Variants in MYH14 observed in about 807,000 individuals in gnomAD.
MYH14 encodes the protein myosin heavy chain 14.
In MYH14, 123 loss-of-function variants were observed where a neutral mutation model predicts 255.5. The observed-to-expected ratio is 0.48, with a 90% CI of 0.42 to 0.56. MYH14 has a LOEUF of 0.56. MYH14 is among the 20% of genes least tolerant of loss of function. The pLI, the probability that MYH14 is intolerant of heterozygous loss-of-function variation, is 0.00. For synonymous variants in MYH14, 1,095 were observed against 1,161.2 expected, an observed-to-expected ratio of 0.94 and a Z score of 1.16; for missense variants, 2,423 against 2,802.3, an observed-to-expected ratio of 0.86 and a Z score of 3.06.
At chr19:50,208,676 G>A (rs555432162) in intron 1 of MYH14, among the ~76,000 whole-genome samples, 1 of 152,178 alleles carries the variant, frequency 6.6e-6, no homozygotes, top group East Asian at 1.9e-4. Flanking sequence ...AATGATAAAA[G>A]TAAAAAAGGA....
intron 3 of MYH14, among the ~76,000 whole-genome samples, chr19:50,222,154 C>T (rs1366032432): frequency 6.6e-5 from 10 of 152,084 alleles, no homozygotes; most frequent in African/African-American, 1.7e-4. Context: ...TGTCTCCTGG[C>T]GGGAATGGAG....
chr19:50,303,393 A>G (rs1293607081), intron 40 of MYH14, among the ~76,000 whole-genome samples: 1 of 152,184 alleles, frequency 6.6e-6, no homozygotes, highest in Admixed American at 6.5e-5. Flanking sequence ...GATTGTTCAT[A>G]TGACAGAGTC....
chr19:50,289,530 C>T lies in MYH14; in HGVS notation c.4847C>T (p.Ala1616Val). The T allele has an allele frequency of 6.2e-7, 1 of 1,613,114 alleles. No individual in the cohort carries two copies. The highest frequency in any genetic ancestry group is 8.5e-7 in the Non-Finnish European group (1 of 1,179,628). Residue 1616 changes from alanine to valine, a missense_variant, in exon 35 of 43, where the codon GCC becomes GTC. Ala to Val is a moderately conservative substitution (Grantham distance 64, BLOSUM62 0). Around this residue, in one of 3 missense-constraint regions of MYH14, gnomAD observed 1,513 missense variants for 1,674.8 expected, o/e 0.90. Transcript: ENST00000642316. ...VTELEDELTA[A>V]EDAKLRLEVT... is the part of the protein sequence containing the mutation. ...GAACTGGAGGATGAGCTGACAGCGG[C>T]CGAGGATGCCAAGCTGCGTCTGGAG... is the stretch of plus-strand genomic sequence containing the variant.
intron 11 of MYH14, among the ~76,000 whole-genome samples, chr19:50,246,401 G>A (rs751615529): frequency 6.6e-6 from 1 of 151,926 alleles, no homozygotes; most frequent in East Asian, 1.9e-4. Context: ...TTGGCCTCCC[G>A]AAGGGCCTCC....
intron 2 of MYH14, among the ~76,000 whole-genome samples, chr19:50,216,357 C>T (rs1034718014): frequency 1.3e-5 from 2 of 152,024 alleles, no homozygotes; most frequent in Non-Finnish European, 2.9e-5. Context: ...AATCCCGGCA[C>T]TTTGGGAGGC....
chr19:50,265,163 T>C (rs1263139022), intron 22 of MYH14, among the ~76,000 whole-genome samples: 1 of 152,140 alleles, frequency 6.6e-6, no homozygotes, highest in Non-Finnish European at 1.5e-5. Flanking sequence ...AAAAGCCCTT[T>C]CGTTAGCATG....
chr19:50,293,562 A>G lies in MYH14; in HGVS notation c.5346-2A>G. 6.2e-7 allele frequency: 1 copy of G among 1,612,658 alleles called. No homozygotes were observed. The highest frequency in any genetic ancestry group is 1.1e-5 in the South Asian group (1 of 90,942). On this transcript the variant is annotated splice_acceptor_variant, in intron 38 of 42. Coordinates refer to ENST00000642316, the MANE Select transcript of MYH14 (RefSeq NM_001145809.2). LOFTEE classifies it high-confidence loss of function. The surrounding 1 kb of genome is among the most constrained non-coding windows in gnomAD (Gnocchi z 4.1). The stretch of plus-strand genomic sequence containing the variant: ...CATCCCCACGCCTTCCTGTCTCCCT[A>G]GGGCAGCCATTCTGGAGGAGAAGCG...
intron 14 of MYH14, 38 bp downstream of exon 14, chr19:50,249,861 C>T (rs1568498160): frequency 6.2e-7 from 1 of 1,610,584 alleles, no homozygotes; most frequent in South Asian, 1.1e-5. Context: ...ACTCACGGTT[C>T]AGATCCGTCT....
At chr19:50,306,497 C>T (rs2036658500) in intron 40 of MYH14, among the ~76,000 whole-genome samples, 1 of 152,012 alleles carries the variant, frequency 6.6e-6, no homozygotes, top group South Asian at 2.1e-4. Flanking sequence ...AAGAGTGTTC[C>T]CTCCCGCTCT....
intron 19 of MYH14, 123 bp downstream of exon 19, chr19:50,259,388 C>A: frequency 1.5e-6 from 2 of 1,291,128 alleles, no homozygotes; most frequent in Non-Finnish European, 2.1e-6. Flanking sequence ...GAAGTTGAGG[C>A]AGATTACTCA....
At chr19:50,279,506 G>A (rs879787768) in intron 30 of MYH14, among the ~76,000 whole-genome samples, 2 of 152,152 alleles carry the variant, frequency 1.3e-5, no homozygotes, top group Non-Finnish European at 2.9e-5. Flanking sequence ...GGTGGCGCAT[G>A]CCTGTAATCC....
rs546508406 is a variant in MYH14 at position 50,230,992 on chromosome 19, C to T, written c.973+369C>T. ...TGCTGAGGCTCCTCCTGGTTCCTGA[C>T]GACGCTGGTTTGTGTTGCTTCTCGG... On this transcript the variant is annotated intron_variant, in intron 9 of 42. Transcript: ENST00000642316. The surrounding 1 kb of genome is among the most constrained non-coding windows in gnomAD (Gnocchi z 4.7). The T allele has an allele frequency of 2.2e-5, 6 of 269,170 alleles. No homozygotes were observed. Among genetic ancestry groups the T allele is most frequent in the African/African-American group, 6.6e-5 (3 of 45,194 alleles). 16.7% of individuals were successfully genotyped at this position (269,170 alleles called of 1,614,324 possible). A position where few individuals can be genotyped will look rare whatever the true frequency, so the allele number is the denominator to read the frequency against.
At chr19:50,262,457 G>T (rs1227560250) in intron 21 of MYH14, among the ~76,000 whole-genome samples, 1 of 151,610 alleles carries the variant, frequency 6.6e-6, no homozygotes, top group Non-Finnish European at 1.5e-5. Flanking sequence ...AGAATGGCTT[G>T]AACTCGGGAA....
chr19:50,287,121 AAAAAG>A (rs1441775708), intron 34 of MYH14, among the ~76,000 whole-genome samples: 1 of 152,200 alleles, frequency 6.6e-6, no homozygotes, highest in Non-Finnish European at 1.5e-5. Context: ...GTCTCAAAAA[AAAAAG>A]AGAACAAGAG....
At chr19:50,257,578 G>A in intron 18 of MYH14, 92 bp downstream of exon 18, 1 of 1,294,082 alleles carries the variant, frequency 7.7e-7, no homozygotes, top group Non-Finnish European at 1.1e-6. Context: ...CTGATTCGAG[G>A]ACCCTCAAAT....
At chr19:50,272,844 G>A in intron 27 of MYH14, 113 bp downstream of exon 27, 1 of 1,066,914 alleles carries the variant, frequency 9.4e-7, no homozygotes, top group Non-Finnish European at 1.4e-6. Flanking sequence ...CCACTCACCA[G>A]CCACAGACAG....
At chr19:50,241,894 T>G (rs2033905886) in intron 10 of MYH14, among the ~76,000 whole-genome samples, 1 of 152,200 alleles carries the variant, frequency 6.6e-6, no homozygotes. Flanking sequence ...TCTTCCCGCC[T>G]TTGCCCTCCC....
chr19:50,295,376 T>C (rs2036233446), intron 39 of MYH14, among the ~76,000 whole-genome samples: 1 of 151,940 alleles, frequency 6.6e-6, no homozygotes, highest in South Asian at 2.1e-4. Flanking sequence ...GTATGGTGGC[T>C]CATGCCTGTA....
chr19:50,233,960 C>T (rs189355796), intron 10 of MYH14, among the ~76,000 whole-genome samples: 8 of 152,012 alleles, frequency 5.3e-5, no homozygotes, highest in African/African-American at 9.6e-5. Flanking sequence ...GGATCACAGG[C>T]GTGTGTGCCA....
Sources: allele counts gnomAD v4.1 joint callset (sites outside exome capture counted in the v4.1 genomes callset), GRCh38; gene constraint gnomAD v4.1.1; regional missense constraint gnomAD v4.1.1; non-coding constraint Gnocchi (gnomAD v3.1); transcripts MANE v1.5; gene names NCBI Gene and HGNC (gene_info 2026-07-23, HGNC 2026-07-21).